The following USP28 variants were observed in gnomAD, a reference collection of about 807,000 sequenced individuals.
USP28 encodes the protein ubiquitin specific peptidase 28.
USP28 carries 113 observed loss-of-function variants against 145.0 expected under a neutral mutation model. That is an observed-to-expected ratio of 0.78 (90% CI 0.67 to 0.91). The LOEUF (loss-of-function observed/expected upper bound fraction) is 0.91. USP28 is among the 40% of genes least tolerant of loss of function. USP28 has a pLI of 0.00. For missense variants in USP28, 1,201 were observed against 1,289.6 expected (o/e 0.93, Z 1.05); for synonymous variants, 447 against 450.9 (o/e 0.99, Z 0.11).
At chr11:113,836,730 T>C (rs1182611199) in intron 5 of USP28, among the ~76,000 whole-genome samples, 2 of 152,166 alleles carry the variant, frequency 1.3e-5, no homozygotes, top group African/African-American at 4.8e-5. Context: ...TGTGCATCCT[T>C]GCCCCTCCAT....
chr11:113,839,771 T>C (rs943818755), intron 5 of USP28, among the ~76,000 whole-genome samples: 1 of 152,026 alleles, frequency 6.6e-6, no homozygotes, highest in Admixed American at 6.6e-5. Context: ...ACGCCTCTAA[T>C]CCCAGTACTT....
chr11:113,832,104 T>C lies in USP28; in HGVS notation c.760-111A>G, dbSNP rs1944062639. ...ATTATACTACTATAAAAGCATTTCT[T>C]TTTTTCTTTTCTTTTTTTGTTTTGA... On this transcript the variant is annotated intron_variant, in intron 7 of 24. Transcript: ENST00000003302. 3 of 944,856 alleles carry C rather than the reference T, an allele frequency of 3.2e-6. No homozygotes were observed. The South Asian group carries it at 4.8e-5, about 15-fold the overall frequency. The allele number at this position is 944,856 out of a possible 1,614,324, so 58.5% of individuals were successfully genotyped here. A position where few individuals can be genotyped will look rare whatever the true frequency, so the allele number is the denominator to read the frequency against.
At chr11:113,803,009 T>C (rs1939314921) in intron 23 of USP28, 149 bp downstream of exon 24, 1 of 823,534 alleles carries the variant, frequency 1.2e-6, no homozygotes, top group Non-Finnish European at 1.8e-6. Flanking sequence ...AAAAAAAACC[T>C]GTTCCAATGT....
intron 13 of USP28, 71 bp downstream of exon 13, chr11:113,817,587 A>C: frequency 6.5e-7 from 1 of 1,527,862 alleles, no homozygotes; most frequent in Non-Finnish European, 8.9e-7. Context: ...AATCAAGTAC[A>C]AAGATGGTGC....
At chr11:113,858,681 C>T (rs1405061097) in intron 1 of USP28, among the ~76,000 whole-genome samples, 2 of 152,246 alleles carry the variant, frequency 1.3e-5, no homozygotes, top group Non-Finnish European at 2.9e-5. Flanking sequence ...GCAATCTCAG[C>T]TCACTGCAAA....
intron 5 of USP28, chr11:113,835,093 T>C (rs1944423633): frequency 2.8e-6 from 1 of 362,288 alleles, no homozygotes; most frequent in Admixed American, 3.7e-5. Flanking sequence ...GTGTTTACTA[T>C]TCTCCACTCC....
intron 18 of USP28, among the ~76,000 whole-genome samples, chr11:113,807,173 A>G (rs1940136276): frequency 6.6e-6 from 1 of 152,036 alleles, no homozygotes; most frequent in South Asian, 2.1e-4. Context: ...CCCGGGTTCA[A>G]GCGGTTCTCC....
intron 1 of USP28, among the ~76,000 whole-genome samples, chr11:113,869,386 G>A (rs903027770): frequency 4.6e-5 from 7 of 152,152 alleles, no homozygotes; most frequent in Admixed American, 2.6e-4. Flanking sequence ...CTGATCTCAC[G>A]CCACTGTACT....
intron 11 of USP28, among the ~76,000 whole-genome samples, chr11:113,826,294 A>AAAG (rs1555065547): frequency 1.4e-5 from 2 of 143,776 alleles, no homozygotes; most frequent in African/African-American, 2.5e-5. Context: ...AAAAAAAAAA[A>AAAG]AAAGAAAGAA....
At chr11:113,857,278 C>T (rs139204672) in intron 1 of USP28, among the ~76,000 whole-genome samples, 5 of 152,308 alleles carry the variant, frequency 3.3e-5, no homozygotes, top group African/African-American at 7.2e-5. Context: ...CAGCATAATA[C>T]ATTTATGCTA....
In USP28 at chr11:113,848,690, T is replaced by C. The variant is rs535704545; in HGVS notation, c.268+3811A>G. On this transcript the variant is annotated intron_variant, in intron 3 of 24. Transcript: ENST00000003302. ...CCATCTTTTCTACTTGATTGTATTATGGGGATGGATACTGTATCTGCCTGG... is the reference window on the plus strand; with the variant it reads ...CCATCTTTTCTACTTGATTGTATTACGGGGATGGATACTGTATCTGCCTGG... Among the ~76,000 whole-genome samples, 8 of 152,340 alleles carry C rather than the reference T, an allele frequency of 5.3e-5. No individual in the cohort carries two copies. In the East Asian group the frequency reaches 1.5e-3, roughly 29 times the overall value.
chr11:113,861,432 T>C (rs1947684274), intron 1 of USP28, among the ~76,000 whole-genome samples: 3 of 152,256 alleles, frequency 2.0e-5, no homozygotes, highest in Admixed American at 2.0e-4. Flanking sequence ...TTTGAGTTTA[T>C]TAACTGGCTT....
chr11:113,860,843 G>C (rs972740137), intron 1 of USP28, among the ~76,000 whole-genome samples: 5 of 151,698 alleles, frequency 3.3e-5, no homozygotes, highest in Non-Finnish European at 7.4e-5. Flanking sequence ...TAAGGGCCGG[G>C]CTTGGTGGCT....
At chr11:113,799,331 G>C in exon 25 of USP28, 1 of 1,614,206 alleles carries the variant, frequency 6.2e-7, no homozygotes, top group Non-Finnish European at 8.5e-7. Flanking sequence ...GGGTCGAATA[G>C]TTGGAGGCTC....
At chr11:113,844,848 T>C (rs974410854) in intron 3 of USP28, among the ~76,000 whole-genome samples, 15 of 152,154 alleles carry the variant, frequency 9.9e-5, no homozygotes, top group African/African-American at 3.4e-4. Flanking sequence ...CTCACGCCTG[T>C]AATCCCAGCA....
chr11:113,866,241 G>A (rs572716018), intron 1 of USP28, among the ~76,000 whole-genome samples: 16 of 152,238 alleles, frequency 1.1e-4, no homozygotes, highest in Non-Finnish European at 1.9e-4. Context: ...GCAGTGAGCC[G>A]AGATCAGACC....
chr11:113,828,702 C>A, intron 10 of USP28: 1 of 308,806 alleles, frequency 3.2e-6, no homozygotes, highest in Non-Finnish European at 6.3e-6. Context: ...CTTTAACTTC[C>A]CCCGTCTTTC....
intron 1 of USP28, chr11:113,874,423 GAAAAAAAAAAAAAAAA>G: frequency 2.4e-6 from 1 of 412,952 alleles, no homozygotes; most frequent in Non-Finnish European, 3.1e-6. Context: ...AGACTCTGTC[GAAAAAAAAAAAAAAAA>G]AAAAAAAAAA....
chr11:113,798,837 G>A (rs1938412257), exon 25 of USP28: 1 of 153,478 alleles, frequency 6.5e-6, no homozygotes, highest in African/African-American at 2.4e-5. Flanking sequence ...ATCTGTATTT[G>A]ATAAAATAAC....
Sources: allele counts gnomAD v4.1 joint callset (sites outside exome capture counted in the v4.1 genomes callset), GRCh38; gene constraint gnomAD v4.1.1; transcripts MANE v1.5; gene names NCBI Gene and HGNC (gene_info 2026-07-23, HGNC 2026-07-21).